PPFIA2: variants seen among roughly 807,000 people sequenced by gnomAD.
The protein encoded by PPFIA2 is liprin-alpha-2.
In PPFIA2, 46 loss-of-function variants were observed where a neutral mutation model predicts 175.5. The observed-to-expected ratio is 0.26, with a 90% CI of 0.21 to 0.34. The LOEUF is 0.34. Among genes scored for constraint, PPFIA2 ranks in the 10% least tolerant of loss-of-function variants. The probability of loss-of-function intolerance (pLI) is 1.00; values close to 1 mark genes in which losing one functional copy is unlikely to be tolerated. For synonymous variants in PPFIA2, 568 were observed against 511.4 expected, an observed-to-expected ratio of 1.11 and a Z score of -1.49; for missense variants, 1,179 against 1,506.1, an observed-to-expected ratio of 0.78 and a Z score of 3.60.
chr12:81,709,541 C>G (rs527916871), intron 3 of PPFIA2, among the ~76,000 whole-genome samples: 3 of 151,860 alleles, frequency 2.0e-5, no homozygotes, highest in African/African-American at 7.3e-5. Context: ...CACATAGACT[C>G]ACAAATAAAT....
intron 4 of PPFIA2, among the ~76,000 whole-genome samples, chr12:81,576,690 T>C (rs1169339576): frequency 6.6e-6 from 1 of 151,866 alleles, no homozygotes; most frequent in Non-Finnish European, 1.5e-5. Context: ...CATACAAATT[T>C]TATAAGTAGC....
intron 4 of PPFIA2, chr12:81,512,224 A>C: frequency 1.1e-6 from 1 of 910,532 alleles, no homozygotes; most frequent in Non-Finnish European, 1.5e-6. Flanking sequence ...AAAGTCCCTT[A>C]ACGGCTCCCT....
chr12:81,711,258 T>C (rs916114701), intron 3 of PPFIA2, among the ~76,000 whole-genome samples: 2 of 151,162 alleles, frequency 1.3e-5, no homozygotes, highest in Non-Finnish European at 2.9e-5. Flanking sequence ...ATATGAAATA[T>C]TCAACCAACA....
At chr12:81,688,050 C>T (rs1181786219) in intron 3 of PPFIA2, among the ~76,000 whole-genome samples, 1 of 151,916 alleles carries the variant, frequency 6.6e-6, no homozygotes, top group African/African-American at 2.4e-5. Flanking sequence ...ACCTAAGATT[C>T]ATTTTATTTC....
intron 5 of PPFIA2, among the ~76,000 whole-genome samples, chr12:81,453,510 T>C (rs1285956711): frequency 6.6e-6 from 1 of 152,114 alleles, no homozygotes; most frequent in Non-Finnish European, 1.5e-5. Context: ...TCTGTAAATA[T>C]ATACTTGCCA....
chr12:81,347,222 G>A (rs2059231979), intron 18 of PPFIA2, among the ~76,000 whole-genome samples: 1 of 151,924 alleles, frequency 6.6e-6, no homozygotes, highest in Non-Finnish European at 1.5e-5. Flanking sequence ...AAAAGCGCTA[G>A]GATTATAGCT....
At chr12:81,633,766 G>A (rs2063670533) in intron 4 of PPFIA2, among the ~76,000 whole-genome samples, 1 of 152,008 alleles carries the variant, frequency 6.6e-6, no homozygotes, top group Admixed American at 6.5e-5. Flanking sequence ...AGATAGGAGA[G>A]TATAAAATTA....
chr12:81,675,386 C>T (rs1305753142), intron 4 of PPFIA2: 1 of 151,938 alleles, frequency 6.6e-6, no homozygotes, highest in African/African-American at 2.4e-5. Context: ...AGGCCACATA[C>T]CCATTCAATC....
intron 4 of PPFIA2, among the ~76,000 whole-genome samples, chr12:81,633,440 A>G (rs1027818924): frequency 2.0e-5 from 3 of 152,014 alleles, no homozygotes; most frequent in Admixed American, 2.0e-4. Context: ...AATGTTCTTG[A>G]GAGGCAGACA....
chr12:81,393,200 A>T (rs1437453098), intron 8 of PPFIA2, among the ~76,000 whole-genome samples: 1 of 152,092 alleles, frequency 6.6e-6, no homozygotes, highest in Non-Finnish European at 1.5e-5. Context: ...TGAAATAAAC[A>T]TGTTAATGAT....
intron 3 of PPFIA2, among the ~76,000 whole-genome samples, chr12:81,680,446 T>C (rs549974707): frequency 6.6e-6 from 1 of 152,026 alleles, no homozygotes; most frequent in South Asian, 2.1e-4. Flanking sequence ...CAAACCTGTA[T>C]TTTTTTAATT....
chr12:81,421,888 G>A (rs2143807120), intron 7 of PPFIA2, among the ~76,000 whole-genome samples: 1 of 151,896 alleles, frequency 6.6e-6, no homozygotes, highest in African/African-American at 2.4e-5. Flanking sequence ...GTAACCAAAA[G>A]AAAGCTAGGG....
At chr12:81,740,381 G>C (rs2082178470) in intron 3 of PPFIA2, among the ~76,000 whole-genome samples, 1 of 152,128 alleles carries the variant, frequency 6.6e-6, no homozygotes, top group Admixed American at 6.6e-5. Flanking sequence ...GGTTTACTAA[G>C]AGCCAGGCAG....
chr12:81,464,315 G>C (rs1218278419), intron 4 of PPFIA2, among the ~76,000 whole-genome samples: 3 of 152,062 alleles, frequency 2.0e-5, no homozygotes, highest in Admixed American at 6.6e-5. Context: ...CATTATAGCA[G>C]TGTTATTATT....
chr12:81,344,641 G>T lies in PPFIA2; in HGVS notation c.2262+23C>A, dbSNP rs370570951. 7.3e-6 allele frequency: 11 copies of T among 1,511,018 alleles called. No homozygotes were observed. The East Asian group carries it at 2.6e-4, about 36-fold the overall frequency. 93.6% of individuals were successfully genotyped at this position (1,511,018 alleles called of 1,614,324 possible). A position where few individuals can be genotyped will look rare whatever the true frequency, so the allele number is the denominator to read the frequency against. On this transcript the variant is annotated intron_variant, in intron 19 of 32. Coordinates refer to ENST00000549396, the MANE Select transcript of PPFIA2 (RefSeq NM_003625.5). ...AATAAAACAGTATTCAATTCGTAAT[G>T]ATGTAAAAGTTATTTACTGTACCTT...
chr12:81,323,687 A>T (rs1194103627), intron 22 of PPFIA2, among the ~76,000 whole-genome samples: 1 of 152,070 alleles, frequency 6.6e-6, no homozygotes, highest in East Asian at 1.9e-4. Context: ...CAATAGAAAT[A>T]AAATTTGAAA....
chr12:81,367,962 TA>T, intron 13 of PPFIA2: 2 of 479,026 alleles, frequency 4.2e-6, no homozygotes, highest in South Asian at 3.7e-5. Context: ...ATGGGTAAAT[TA>T]ATCAAACTAA....
chr12:81,602,276 C>CA (rs1274577177), intron 4 of PPFIA2, among the ~76,000 whole-genome samples: 5 of 147,958 alleles, frequency 3.4e-5, no homozygotes, highest in Non-Finnish European at 5.9e-5. Context: ...CTGGATAACA[C>CA]AAAAAATGTA....
chr12:81,731,667 GA>G (rs1299508245), intron 3 of PPFIA2, among the ~76,000 whole-genome samples: 1 of 151,636 alleles, frequency 6.6e-6, no homozygotes, highest in African/African-American at 2.4e-5. Flanking sequence ...TGGTTAATGT[GA>G]GGGTTCAGAA....
Sources: allele counts gnomAD v4.1 joint callset (sites outside exome capture counted in the v4.1 genomes callset), GRCh38; gene constraint gnomAD v4.1.1; transcripts MANE v1.5; gene names NCBI Gene and HGNC (gene_info 2026-07-23, HGNC 2026-07-21).